The following TARBP1 variants were observed in gnomAD, a reference collection of about 807,000 sequenced individuals.
TARBP1 encodes the protein tRNA guanosine 2 -O-methyltransferase TARBP1, also known as tRNA (guanosine(18)-2'-O)-methyltransferase TARBP1.
Under a neutral mutation model 178.6 loss-of-function variants are expected in TARBP1, and 144 were observed. That is an observed-to-expected ratio of 0.81 (90% CI 0.70 to 0.93). The LOEUF (loss-of-function observed/expected upper bound fraction) is 0.93, where lower values mean the gene tolerates loss of function less well. Among genes scored for constraint, TARBP1 ranks in the 40% least tolerant of loss-of-function variants. The pLI is 0.00. For missense variants in TARBP1, 2,067 were observed against 2,011.7 expected (o/e 1.03, Z -0.53); for synonymous variants, 787 against 781.0 (o/e 1.01, Z -0.13).
intron 27 of TARBP1, 51 bp from the exon 28 acceptor site, chr1:234,393,537 C>T: frequency 6.4e-7 from 1 of 1,570,686 alleles, no homozygotes; most frequent in Non-Finnish European, 8.6e-7. Flanking sequence ...CAATGCTAAG[C>T]TCATCATGTC....
At chr1:234,436,430 T>C (rs1293674912) in intron 13 of TARBP1, among the ~76,000 whole-genome samples, 1 of 152,194 alleles carries the variant, frequency 6.6e-6, no homozygotes, top group African/African-American at 2.4e-5. Flanking sequence ...AGAATTCATA[T>C]TAATGATTGC....
At chr1:234,466,367 C>T (rs1311564546) in intron 4 of TARBP1, among the ~76,000 whole-genome samples, 1 of 151,894 alleles carries the variant, frequency 6.6e-6, no homozygotes, top group Non-Finnish European at 1.5e-5. Flanking sequence ...CAAAACTGAG[C>T]CAGGCATGGT....
At position 234,478,872 on chromosome 1, in the gene TARBP1, C is replaced by G. The variant is rs1669852394; in HGVS notation, c.232G>C (p.Gly78Arg). 2 of 1,289,910 alleles carry G rather than the reference C, an allele frequency of 1.6e-6. No homozygotes were observed. The highest frequency in any genetic ancestry group is 6.5e-5 in the East Asian group (2 of 30,966). The allele number at this position is 1,289,910 out of a possible 1,614,324, so 79.9% of individuals were successfully genotyped here. Residue 78 changes from glycine (G) to arginine (R), a missense_variant, in exon 1 of 30, where the codon GGA becomes CGA. Physicochemically the swap from Gly to Arg is moderately radical, Grantham distance 125. Transcript: ENST00000040877. ...YLVPLLRSLR[G>R]RPAGGPDPSL... is the part of the protein sequence containing the mutation. ...GGGTCCGGGCCGCCCGCGGGGCGTC[C>G]GCGCAGGCTCCGCAGCAGTGGCACG...
chr1:234,465,576 C>A, intron 5 of TARBP1, 80 bp downstream of exon 5: 3 of 1,331,364 alleles, frequency 2.3e-6, no homozygotes, highest in South Asian at 3.4e-5. Flanking sequence ...CTGTATGTGC[C>A]AAATGCATGA....
At chr1:234,447,613 A>T (rs897933715) in intron 11 of TARBP1, among the ~76,000 whole-genome samples, 9 of 152,080 alleles carry the variant, frequency 5.9e-5, no homozygotes, top group African/African-American at 1.9e-4. Context: ...AGACTGGATA[A>T]CCAACTTCGG....
intron 11 of TARBP1, 77 bp from the exon 12 acceptor site, chr1:234,447,052 A>C: frequency 6.6e-7 from 1 of 1,516,530 alleles, no homozygotes; most frequent in South Asian, 1.1e-5. Context: ...AATTGGGTGA[A>C]AACTGGTTAG....
At chr1:234,413,583 G>T (rs1226678192) in intron 22 of TARBP1, among the ~76,000 whole-genome samples, 1 of 152,198 alleles carries the variant, frequency 6.6e-6, no homozygotes, top group Non-Finnish European at 1.5e-5. Flanking sequence ...AGACCACACA[G>T]AGAGACTAGA....
rs1366565148 is a variant in TARBP1, at chr1:234,478,251, G to A, written c.853C>T (p.Arg285Cys). ...TCCACCGCCCTCTGCAGCAGGTAGC[G>A]CGCTCGCTTGCGCGTCAGGGCGTCC... ...QADALTRKRARYLLQRAVEVS... is the reference protein window; with the variant it reads ...QADALTRKRACYLLQRAVEVS... Residue 285 changes from arginine to cysteine, a missense_variant, in exon 1 of 30, where the codon CGC (arginine) becomes TGC (cysteine). Transcript: ENST00000040877. 2.4e-5 allele frequency: 38 copies of A among 1,607,656 alleles called. 1 individual carries two copies. The highest frequency in any genetic ancestry group is 3.1e-5 in the Non-Finnish European group (37 of 1,178,236).
intron 20 of TARBP1, among the ~76,000 whole-genome samples, chr1:234,425,200 C>G (rs2103111646): frequency 6.6e-6 from 1 of 152,166 alleles, no homozygotes; most frequent in East Asian, 1.9e-4. Flanking sequence ...CCATCGCACT[C>G]CAGCCTGGGC....
chr1:234,415,774 C>T (rs10910428), intron 22 of TARBP1, among the ~76,000 whole-genome samples: 10,037 of 152,218 alleles, frequency 0.066, 402 homozygotes, highest in Middle Eastern at 0.16. Flanking sequence ...GGTAATGTCC[C>T]CAGTGAACTA....
chr1:234,462,687 CAAAAAAAA>C (rs35604890), intron 6 of TARBP1, among the ~76,000 whole-genome samples: 172 of 102,782 alleles, frequency 1.7e-3, no homozygotes, highest in Non-Finnish European at 2.4e-3. Context: ...GACTTCATCT[CAAAAAAAA>C]AAAAAAAAAA....
At chr1:234,415,956 C>T (rs1208119136) in intron 22 of TARBP1, among the ~76,000 whole-genome samples, 2 of 152,230 alleles carry the variant, frequency 1.3e-5, no homozygotes, top group Admixed American at 6.5e-5. Context: ...TCAGCAAAAG[C>T]TTCCTTTGCC....
chr1:234,438,788 A>T (rs1032139683), intron 12 of TARBP1, among the ~76,000 whole-genome samples: 2 of 152,248 alleles, frequency 1.3e-5, no homozygotes, highest in Non-Finnish European at 2.9e-5. Context: ...AGATTCAAGA[A>T]GTTTCAGGGA....
In TARBP1 at chr1:234,463,847, T is replaced by C. The variant is rs765142812; in HGVS notation, c.1389A>G (p.Glu463=). 1 of 1,571,968 alleles carries C rather than the reference T, an allele frequency of 6.4e-7. No individual in the cohort carries two copies. The highest frequency in any genetic ancestry group is 8.6e-7 in the Non-Finnish European group (1 of 1,158,818). ...TTTACTGACACATACTCTTTATTTC[T>C]TCTGGAAGAAGAGAAATATAAGTGA... ...FLVTYISLLP[E]EIKSSFLLKF... The change falls in exon 6 of 30, where the codon GAA becomes GAG. Residue 463 remains glutamate (E), a synonymous_variant. Transcript: ENST00000040877.
At chr1:234,402,610 C>T (rs551080081) in intron 24 of TARBP1, among the ~76,000 whole-genome samples, 13 of 151,906 alleles carry the variant, frequency 8.6e-5, no homozygotes, top group South Asian at 2.1e-4. Flanking sequence ...GGGTCTCACT[C>T]GGTTGCCAGG....
At chr1:234,447,345 CAAAAA>C (rs34101720) in intron 11 of TARBP1, among the ~76,000 whole-genome samples, 4 of 100,336 alleles carry the variant, frequency 4.0e-5, no homozygotes, top group Non-Finnish European at 5.8e-5. Flanking sequence ...TTTAAAAATC[CAAAAA>C]AAAAAAAAAA....
At chr1:234,405,849 T>C in intron 24 of TARBP1, 54 bp downstream of exon 24, 5 of 1,530,822 alleles carry the variant, frequency 3.3e-6, no homozygotes, top group Non-Finnish European at 4.5e-6. Flanking sequence ...GCCCCCTCCC[T>C]GTGGGCCCTG....
chr1:234,416,682 G>A (rs1662457784), intron 22 of TARBP1, among the ~76,000 whole-genome samples: 1 of 152,182 alleles, frequency 6.6e-6, no homozygotes, highest in African/African-American at 2.4e-5. Context: ...TGTCTTTGAG[G>A]ATTATGGTGA....
chr1:234,406,210 C>A (rs1661224649), intron 23 of TARBP1, 111 bp from the exon 24 acceptor site: 3 of 952,842 alleles, frequency 3.1e-6, no homozygotes, highest in East Asian at 5.2e-5. Flanking sequence ...AGTAAAACTT[C>A]TTCCACTGGC....
Sources: gnomAD v4.1 joint callset for allele counts (sites outside exome capture counted in the v4.1 genomes callset) on GRCh38, gnomAD v4.1.1 for gene constraint, MANE v1.5 for transcripts, NCBI Gene and HGNC (gene_info 2026-07-23, HGNC 2026-07-21) for gene names.